Variants in TAS1R2 observed in about 807,000 individuals in gnomAD.
TAS1R2 encodes taste receptor type 1 member 2.
A neutral mutation model predicts 49.3 loss-of-function variants in TAS1R2; 47 were observed. That is an observed-to-expected ratio of 0.95 (90% CI 0.75 to 1.22). TAS1R2 has a LOEUF of 1.22. TAS1R2 is among the 50% of genes most tolerant of loss of function. The pLI is 0.00. For synonymous variants in TAS1R2, 479 were observed against 467.9 expected (o/e 1.02, Z -0.31); for missense variants, 1,155 against 1,122.1 (o/e 1.03, Z -0.42).
In TAS1R2 at chr1:18,840,153, C is replaced by T. The variant is rs146505183; in HGVS notation, c.1966G>A (p.Val656Ile). 3.4e-4 allele frequency: 546 copies of T among 1,614,198 alleles called. 1 individual carries two copies. In the African/African-American group the frequency reaches 5.5e-3, roughly 16 times the overall value. The change falls in exon 6 of 6, where the codon GTC becomes ATC. Residue 656 changes from valine to isoleucine, a missense_variant. Transcript: ENST00000375371. ...CGGCTGGCCATCTTGAAGGCGCAGA[C>T]GATCTGGAAAGAACGCACGGCGATA...
exon 5 of TAS1R2, chr1:18,841,770 C>T: frequency 6.2e-7 from 1 of 1,613,934 alleles, no homozygotes; most frequent in Non-Finnish European, 8.5e-7. Flanking sequence ...GCAGTCGATG[C>T]ACTCGAAGCA....
chr1:18,846,630 C>T (rs1435299542), intron 4 of TAS1R2, among the ~76,000 whole-genome samples: 1 of 152,214 alleles, frequency 6.6e-6, no homozygotes, highest in African/African-American at 2.4e-5. Flanking sequence ...CTGCAGTCAA[C>T]ATAGTCATAT....
At position 18,849,399 on chromosome 1, in the gene TAS1R2, G is replaced by C. The variant is rs1176929360; in HGVS notation, c.1409C>G (p.Pro470Arg). 1 of 1,614,182 alleles carries C rather than the reference G, an allele frequency of 6.2e-7. No homozygotes were observed. Among genetic ancestry groups the C allele is most frequent in the East Asian group, 2.2e-5 (1 of 44,872 alleles). Reference sequence around the variant, plus strand: ...GATGTTCTTCAGCTGTCGCTGCAGGGGGTAGTAGGAGGCGACGCTCTGGAA... The same window carrying C: ...GATGTTCTTCAGCTGTCGCTGCAGGCGGTAGTAGGAGGCGACGCTCTGGAA... Residue 470 changes from proline (P) to arginine (R), a missense_variant, in exon 4 of 6, where the codon CCC (proline) becomes CGC (arginine). By Grantham distance (103) the Pro-to-Arg change is moderately radical (BLOSUM62 -2). Transcript: ENST00000375371.
chr1:18,841,766 G>A (rs778287416), exon 5 of TAS1R2: 88 of 1,613,838 alleles, frequency 5.5e-5, no homozygotes, highest in African/African-American at 1.7e-4. Context: ...GAAGGCAGTC[G>A]ATGCACTCGA....
chr1:18,854,660 G>T lies in TAS1R2; in HGVS notation c.810C>A (p.Arg270=). ...GGTCGGGCGAGAACACGACCACGACGCGCGCTGTGCTCTGCTGCAGCTTGT... is the reference window on the plus strand; with the variant it reads ...GGTCGGGCGAGAACACGACCACGACTCGCGCTGTGCTCTGCTGCAGCTTGT... The change falls in exon 3 of 6, where the codon CGC becomes CGA. Residue 270 remains arginine (R), a synonymous_variant. Coordinates refer to ENST00000375371, the Ensembl canonical transcript of TAS1R2. This position sits in a 1 kb window ranked among gnomAD's most constrained non-coding sequence, Gnocchi z 4.9. The T allele has an allele frequency of 6.2e-7, 1 of 1,613,990 alleles. No homozygotes were observed. Among genetic ancestry groups the T allele is most frequent in the Middle Eastern group, 1.6e-4 (1 of 6,062 alleles).
Position 18,854,531 on chromosome 1 carries a change from G to A in TAS1R2, c.939C>T (p.Leu313=), listed in dbSNP as rs768764872. The A allele has an allele frequency of 6.2e-7, 1 of 1,613,854 alleles. No homozygotes were observed. Among genetic ancestry groups the A allele is most frequent in the Non-Finnish European group, 8.5e-7 (1 of 1,179,854 alleles). ...AGGTGCCCAAGTGGCGCAGCTCCGT[G>A]AGGTTGTGCAGGACCGGGTCGATGG... is the stretch of plus-strand genomic sequence containing the variant. The change falls in exon 3 of 6, where the codon CTC becomes CTT. Residue 313 remains leucine, a synonymous_variant. Coordinates refer to ENST00000375371, the Ensembl canonical transcript of TAS1R2. The surrounding 1 kb of genome is among the most constrained non-coding windows in gnomAD (Gnocchi z 4.9).
chr1:18,857,644 C>T lies in TAS1R2; in HGVS notation c.183-13G>A, dbSNP rs762553321. 29 of 1,606,786 alleles carry T rather than the reference C, an allele frequency of 1.8e-5. No homozygotes were observed. The highest frequency in any genetic ancestry group is 2.4e-5 in the Non-Finnish European group (28 of 1,176,158). On this transcript the variant is annotated splice_polypyrimidine_tract_variant and intron_variant, in intron 1 of 5. Transcript: ENST00000375371. ...CTTCACTTCATACCTGGAGGGGCCA[C>T]AGCATCATGAGGTGGAAGCAGATCC...
chr1:18,853,699 T>C (rs537521051), intron 3 of TAS1R2, among the ~76,000 whole-genome samples: 1 of 152,286 alleles, frequency 6.6e-6, no homozygotes, highest in East Asian at 1.9e-4. Flanking sequence ...GCGTCTCTAA[T>C]GTAAATCCCC....
At position 18,854,424 on chromosome 1, in the gene TAS1R2, G is replaced by C; in HGVS notation, c.1046C>G (p.Pro349Arg). The change falls in exon 3 of 6, where the codon CCC (proline) becomes CGC (arginine). Residue 349 changes from proline (P) to arginine (R), a missense_variant. By Grantham distance (103) the Pro-to-Arg change is moderately radical (BLOSUM62 -2). Coordinates refer to ENST00000375371, the Ensembl canonical transcript of TAS1R2. This position sits in a 1 kb window ranked among gnomAD's most constrained non-coding sequence, Gnocchi z 4.9. ...ATAGCTCTGGCTGGTCCTGCTGAGG[G>C]GTGGCGGCCCAGCCTGTGGGCCCCA... 4.3e-6 allele frequency: 7 copies of C among 1,614,050 alleles called. No homozygotes were observed. The highest frequency in any genetic ancestry group is 5.9e-6 in the Non-Finnish European group (7 of 1,180,006).
intron 4 of TAS1R2, 131 bp from the exon 5 acceptor site, chr1:18,841,983 A>C: frequency 3.0e-6 from 2 of 660,060 alleles, no homozygotes; most frequent in Non-Finnish European, 4.2e-6. Context: ...TGGAAACTGT[A>C]GAAAAAAAAA....
intron 3 of TAS1R2, among the ~76,000 whole-genome samples, chr1:18,850,969 T>A (rs1934010754): frequency 6.6e-6 from 1 of 152,232 alleles, no homozygotes; most frequent in South Asian, 2.1e-4. Context: ...GCATCATGAT[T>A]GCACATCCCC....
chr1:18,846,720 C>T (rs28880274), intron 4 of TAS1R2, among the ~76,000 whole-genome samples: 63,248 of 151,974 alleles, frequency 0.42, 13,470 homozygotes, highest in East Asian at 0.55. Context: ...AAGGGATGAA[C>T]TTGGAGACAG....
At position 18,854,315 on chromosome 1, in the gene TAS1R2, G is replaced by A. The variant is rs751508721; in HGVS notation, c.1155C>T (p.Val385=). Residue 385 remains valine (V), a synonymous_variant, in exon 3 of 6, where the codon GTC becomes GTT. Coordinates refer to ENST00000375371, the Ensembl canonical transcript of TAS1R2. This position sits in a 1 kb window ranked among gnomAD's most constrained non-coding sequence, Gnocchi z 4.9. ...CATAGACCGCAGAGTACACGCTGTA[G>A]ACGACACGCTCCCCAGAGAGCCTGA... is the stretch of plus-strand genomic sequence containing the variant. The A allele has an allele frequency of 1.9e-6, 3 of 1,614,138 alleles. No homozygotes were observed. The highest frequency in any genetic ancestry group is 4.5e-5 in the East Asian group (2 of 44,874).
At chr1:18,841,599 C>A (rs868780253) in intron 5 of TAS1R2, 130 bp downstream of exon 5, 27 of 1,346,504 alleles carry the variant, frequency 2.0e-5, no homozygotes, top group Middle Eastern at 4.6e-4. Context: ...TGGTCCCTGG[C>A]CTTTGGACAC....
chr1:18,857,387 T>C lies in TAS1R2; in HGVS notation c.427A>G (p.Asn143Asp), dbSNP rs1418342561. The change falls in exon 2 of 6, where the codon AAC becomes GAC. Residue 143 changes from asparagine to aspartate, a missense_variant. Physicochemically the swap from Asn to Asp is conservative, Grantham distance 23 (BLOSUM62 1). Coordinates refer to ENST00000375371, the Ensembl canonical transcript of TAS1R2. ...GCCACAGTCATGACAGACTCGGAGT[T>C]GTCAGGGCCAATGACAGCCACCACA... is the stretch of plus-strand genomic sequence containing the variant. 6.2e-7 allele frequency: 1 copy of C among 1,614,046 alleles called. No individual in the cohort carries two copies. The highest frequency in any genetic ancestry group is 1.3e-5 in the African/African-American group (1 of 74,890).
In TAS1R2 at chr1:18,854,797, C is replaced by G; in HGVS notation, c.673G>C (p.Glu225Gln). 2 of 1,605,412 alleles carry G rather than the reference C, an allele frequency of 1.2e-6. No homozygotes were observed. Among genetic ancestry groups the G allele is most frequent in the Non-Finnish European group, 1.7e-6 (2 of 1,178,590 alleles). Reference sequence around the variant, plus strand: ...CAGATGTCGCGCCGGGCCACGCGCTCGCCAAGCAGCTGGCCATTGTCGCGG... The same window carrying G: ...CAGATGTCGCGCCGGGCCACGCGCTGGCCAAGCAGCTGGCCATTGTCGCGG... Residue 225 changes from glutamate to glutamine, a missense_variant, in exon 3 of 6, where the codon GAG (glutamate) becomes CAG (glutamine). Transcript: ENST00000375371. The surrounding 1 kb of genome is among the most constrained non-coding windows in gnomAD (Gnocchi z 4.9).
exon 4 of TAS1R2, chr1:18,849,550 G>T (rs1933984435): frequency 1.2e-6 from 2 of 1,614,102 alleles, no homozygotes; most frequent in Non-Finnish European, 1.7e-6. Flanking sequence ...TCCTCAAGCA[G>T]CTGGCGGGGT....
intron 3 of TAS1R2, among the ~76,000 whole-genome samples, chr1:18,850,247 A>G (rs1483793645): frequency 6.6e-6 from 1 of 152,218 alleles, no homozygotes; most frequent in African/African-American, 2.4e-5. Context: ...ACTCTGAGCA[A>G]GTTTCTGAAC....
At chr1:18,851,368 C>T (rs2100517318) in intron 3 of TAS1R2, among the ~76,000 whole-genome samples, 1 of 152,222 alleles carries the variant, frequency 6.6e-6, no homozygotes, top group Admixed American at 6.5e-5. Flanking sequence ...CACTCTGTCG[C>T]CCAGGCTGGA....
Sources: allele counts gnomAD v4.1 joint callset (sites outside exome capture counted in the v4.1 genomes callset), GRCh38; gene constraint gnomAD v4.1.1; non-coding constraint Gnocchi (gnomAD v3.1); transcripts MANE v1.5; gene names NCBI Gene and HGNC (gene_info 2026-07-23, HGNC 2026-07-21).